The following PDE1C variants were observed in gnomAD, a reference collection of about 807,000 sequenced individuals.
PDE1C encodes phosphodiesterase 1C.
In PDE1C, 62 loss-of-function variants were observed where a neutral mutation model predicts 93.1. The ratio of observed to expected loss-of-function variants is 0.67; its 90% CI spans 0.54 to 0.82. The LOEUF is 0.82. Ranked by LOEUF, PDE1C falls within the 40% of genes least tolerant of loss-of-function variation. The pLI, the probability that PDE1C is intolerant of heterozygous loss-of-function variation, is 0.00. For synonymous variants in PDE1C, 325 were observed against 310.1 expected, an observed-to-expected ratio of 1.05 and a Z score of -0.50; for missense variants, 742 against 884.6, an observed-to-expected ratio of 0.84 and a Z score of 2.04.
At chr7:32,358,456 G>A (rs1165852210) in intron 1 of PDE1C, among the ~76,000 whole-genome samples, 1 of 152,224 alleles carries the variant, frequency 6.6e-6, no homozygotes, top group Admixed American at 6.5e-5. Context: ...ATAGACCACA[G>A]CTCCTTCACA....
chr7:32,030,354 C>T (rs576221197), intron 2 of PDE1C, among the ~76,000 whole-genome samples: 2 of 152,204 alleles, frequency 1.3e-5, no homozygotes, highest in Non-Finnish European at 2.9e-5. Flanking sequence ...ACCCACCAAA[C>T]TCATGCTTAT....
chr7:32,283,368 C>T (rs558828019), intron 1 of PDE1C, among the ~76,000 whole-genome samples: 2 of 152,184 alleles, frequency 1.3e-5, no homozygotes, highest in African/African-American at 2.4e-5. Flanking sequence ...AAGATATTCA[C>T]CAAAATGTTA....
At chr7:31,955,551 A>G (rs1420376189) in intron 2 of PDE1C, among the ~76,000 whole-genome samples, 1 of 152,128 alleles carries the variant, frequency 6.6e-6, no homozygotes, top group Non-Finnish European at 1.5e-5. Context: ...TTGTGCCCAA[A>G]ATGGGGTGGG....
chr7:31,957,594 ATTCT>A (rs934637475), intron 2 of PDE1C, among the ~76,000 whole-genome samples: 3 of 152,154 alleles, frequency 2.0e-5, no homozygotes, highest in African/African-American at 7.2e-5. Context: ...TAACAAGATA[ATTCT>A]TTCTTTTTTT....
At chr7:32,184,088 C>T (rs1028249569) in intron 2 of PDE1C, among the ~76,000 whole-genome samples, 56 of 152,298 alleles carry the variant, frequency 3.7e-4, no homozygotes, top group South Asian at 1.7e-3. Flanking sequence ...CAAGTCAAAA[C>T]TACAATGAGA....
At chr7:32,296,951 C>A (rs572950106) in intron 1 of PDE1C, among the ~76,000 whole-genome samples, 1 of 152,262 alleles carries the variant, frequency 6.6e-6, no homozygotes, top group East Asian at 1.9e-4. Context: ...ATAACTGATT[C>A]AAGGCAGGGT....
At chr7:31,774,331 C>G (rs1179600889) in intron 17 of PDE1C, among the ~76,000 whole-genome samples, 1 of 151,964 alleles carries the variant, frequency 6.6e-6, no homozygotes, top group Admixed American at 6.6e-5. Context: ...ACATTCAAAC[C>G]AAATGTAGAT....
In PDE1C at chr7:31,751,315, T is replaced by A. The variant is rs1394553431; in HGVS notation, c.*2069A>T. ...CTGTACATTTGCTCCATTAAAATAT[T>A]AGCAAAGGTTGAAAAAAACTCACAT... is the stretch of plus-strand genomic sequence containing the variant. On this transcript the variant is annotated 3_prime_UTR_variant, in exon 18 of 18. Coordinates refer to ENST00000396191, the MANE Select transcript of PDE1C (RefSeq NM_001191057.4). 1 of 152,158 alleles carries A rather than the reference T, an allele frequency of 6.6e-6. No homozygotes were observed. Among genetic ancestry groups the A allele is most frequent in the Admixed American group, 6.5e-5 (1 of 15,282 alleles). The allele number at this position is 152,158 out of a possible 1,614,324, so 9.4% of individuals were successfully genotyped here.
At chr7:31,989,738 G>A (rs955226991) in intron 2 of PDE1C, among the ~76,000 whole-genome samples, 2 of 152,114 alleles carry the variant, frequency 1.3e-5, no homozygotes, top group Non-Finnish European at 2.9e-5. Context: ...CCCTGGCTAC[G>A]ATAACTGCGG....
chr7:31,850,425 G>A (rs546611952), intron 8 of PDE1C, among the ~76,000 whole-genome samples: 2 of 152,176 alleles, frequency 1.3e-5, no homozygotes, highest in South Asian at 4.2e-4. Context: ...ATCTATATGA[G>A]ATCTGAACAA....
At chr7:31,976,871 G>T (rs960252720) in intron 2 of PDE1C, among the ~76,000 whole-genome samples, 10 of 152,070 alleles carry the variant, frequency 6.6e-5, no homozygotes, top group Admixed American at 6.6e-4. Flanking sequence ...CTCATTATCT[G>T]CCACTGACCA....
At chr7:32,398,022 G>A (rs1318340036) in intron 1 of PDE1C, among the ~76,000 whole-genome samples, 2 of 151,990 alleles carry the variant, frequency 1.3e-5, no homozygotes, top group Admixed American at 6.5e-5. Flanking sequence ...GGGTGGTGGC[G>A]GGCGCCTGTA....
At chr7:31,890,822 A>T (rs1241734431) in intron 2 of PDE1C, among the ~76,000 whole-genome samples, 2 of 151,600 alleles carry the variant, frequency 1.3e-5, no homozygotes. Flanking sequence ...ATTATAGGAA[A>T]AAAACCTCAA....
chr7:31,888,269 A>AG (rs1337029557), intron 2 of PDE1C, among the ~76,000 whole-genome samples: 6 of 150,074 alleles, frequency 4.0e-5, no homozygotes, highest in South Asian at 2.1e-4. Context: ...AAAAAAAAAA[A>AG]AAAAGAAAAG....
intron 2 of PDE1C, among the ~76,000 whole-genome samples, chr7:31,934,744 A>G (rs1563061016): frequency 6.6e-6 from 1 of 152,154 alleles, no homozygotes; most frequent in Non-Finnish European, 1.5e-5. Context: ...CTAAATGCCC[A>G]GAAATTTTAC....
intron 17 of PDE1C, among the ~76,000 whole-genome samples, chr7:31,762,941 G>A (rs1794924716): frequency 6.6e-6 from 1 of 152,276 alleles, no homozygotes; most frequent in African/African-American, 2.4e-5. Flanking sequence ...ACCTGAAGTT[G>A]TTTTCTCCCA....
intron 3 of PDE1C, among the ~76,000 whole-genome samples, chr7:32,106,524 A>C (rs998902689): frequency 2.6e-5 from 4 of 152,174 alleles, no homozygotes; most frequent in African/African-American, 9.7e-5. Flanking sequence ...CTTTAAAAAA[A>C]CTACTACCCT....
intron 3 of PDE1C, among the ~76,000 whole-genome samples, chr7:32,076,828 C>T (rs371869151): frequency 1.8e-4 from 28 of 151,604 alleles, no homozygotes; most frequent in African/African-American, 6.8e-4. Flanking sequence ...ATAAATGTAC[C>T]CCACCAATTT....
chr7:31,884,364 A>C (rs956376273), intron 2 of PDE1C, among the ~76,000 whole-genome samples: 8 of 152,212 alleles, frequency 5.3e-5, no homozygotes, highest in Non-Finnish European at 1.5e-5. Flanking sequence ...TTCAAAAAAA[A>C]CCCATAGATC....
Sources: allele counts gnomAD v4.1 joint callset (sites outside exome capture counted in the v4.1 genomes callset), GRCh38; gene constraint gnomAD v4.1.1; transcripts MANE v1.5; gene names NCBI Gene and HGNC (gene_info 2026-07-23, HGNC 2026-07-21).